Variants in PIK3C2G observed in about 807,000 individuals in gnomAD.
PIK3C2G encodes phosphatidylinositol-4-phosphate 3-kinase catalytic subunit type 2 gamma.
In PIK3C2G, 168 loss-of-function variants were observed where a neutral mutation model predicts 181.1. The observed-to-expected ratio is 0.93, with a 90% CI of 0.82 to 1.05. The LOEUF is 1.05. Ranked by LOEUF, PIK3C2G falls within the 50% of genes least tolerant of loss-of-function variation. The pLI, the probability that PIK3C2G is intolerant of heterozygous loss-of-function variation, is 0.00. For missense variants in PIK3C2G, 1,869 were observed against 1,732.8 expected, an observed-to-expected ratio of 1.08 and a Z score of -1.40; for synonymous variants, 573 against 592.2, an observed-to-expected ratio of 0.97 and a Z score of 0.47.
chr12:18,474,684 T>G (rs1313602144), intron 18 of PIK3C2G, among the ~76,000 whole-genome samples: 1 of 152,106 alleles, frequency 6.6e-6, no homozygotes, highest in East Asian at 1.9e-4. Context: ...AGTTAAGCAT[T>G]ATTGAGTTTG....
At chr12:18,479,754 G>A (rs7977452) in intron 18 of PIK3C2G, among the ~76,000 whole-genome samples, 11 of 152,216 alleles carry the variant, frequency 7.2e-5, no homozygotes, top group African/African-American at 2.4e-4. Context: ...ACGTTTCAGT[G>A]GATTTTAGAA....
chr12:18,265,735 TG>T (rs1948457040), intron 1 of PIK3C2G, among the ~76,000 whole-genome samples: 1 of 152,052 alleles, frequency 6.6e-6, no homozygotes, highest in Non-Finnish European at 1.5e-5. Flanking sequence ...TGCAATAGGC[TG>T]GGCGTGGTGG....
At chr12:18,639,396 T>C (rs896895161) in intron 31 of PIK3C2G, among the ~76,000 whole-genome samples, 2 of 152,294 alleles carry the variant, frequency 1.3e-5, no homozygotes, top group East Asian at 3.9e-4. Context: ...CATTAAAATA[T>C]ATTTCTTGAA....
chr12:18,278,464 A>G (rs1452914899), intron 1 of PIK3C2G, among the ~76,000 whole-genome samples: 2 of 152,158 alleles, frequency 1.3e-5, no homozygotes, highest in Admixed American at 6.5e-5. Context: ...AAGGTCAGCT[A>G]ATTAGGAAAC....
chr12:18,311,403 T>C (rs938018463), intron 5 of PIK3C2G, among the ~76,000 whole-genome samples: 2 of 152,072 alleles, frequency 1.3e-5, no homozygotes, highest in Non-Finnish European at 2.9e-5. Flanking sequence ...GGTGTATATA[T>C]ATACACACTC....
intron 31 of PIK3C2G, among the ~76,000 whole-genome samples, chr12:18,627,710 C>A (rs912889233): frequency 6.6e-6 from 1 of 152,160 alleles, no homozygotes; most frequent in African/African-American, 2.4e-5. Context: ...TAAACAGACC[C>A]TTTTCATGAT....
intron 30 of PIK3C2G, among the ~76,000 whole-genome samples, chr12:18,597,515 T>C (rs1236364892): frequency 1.3e-5 from 2 of 152,144 alleles, no homozygotes; most frequent in Non-Finnish European, 2.9e-5. Flanking sequence ...AACTCATCTA[T>C]TAAGGAAGTT....
At chr12:18,362,668 A>G (rs947223080) in intron 11 of PIK3C2G, 96 bp from the exon 12 acceptor site, 1 of 855,884 alleles carries the variant, frequency 1.2e-6, no homozygotes, top group East Asian at 2.9e-5. Context: ...TCATCACTTT[A>G]TCATTTGACT....
intron 22 of PIK3C2G, among the ~76,000 whole-genome samples, chr12:18,500,688 A>C (rs1057198724): frequency 1.3e-5 from 2 of 151,974 alleles, no homozygotes; most frequent in African/African-American, 4.8e-5. Flanking sequence ...AAAACAGACC[A>C]CTCGGCTCTA....
At chr12:18,443,238 G>C (rs11044119) in intron 18 of PIK3C2G, among the ~76,000 whole-genome samples, 20 of 152,174 alleles carry the variant, frequency 1.3e-4, no homozygotes, top group Admixed American at 8.5e-4. Flanking sequence ...TTAAGAAATA[G>C]AATTAGCATT....
chr12:18,705,015 T>A, the PIK3C2G span: 333 of 874,306 alleles, frequency 3.8e-4, no homozygotes, highest in African/African-American at 4.9e-3. Flanking sequence ...ATGAGAACAT[T>A]CCCTAGGCAA....
At chr12:18,368,019 A>C (rs1038636735) in intron 12 of PIK3C2G, among the ~76,000 whole-genome samples, 56 of 152,124 alleles carry the variant, frequency 3.7e-4, no homozygotes, top group African/African-American at 1.2e-3. Context: ...TGCCACTTAG[A>C]AAACCATCAG....
intron 31 of PIK3C2G, among the ~76,000 whole-genome samples, chr12:18,618,525 CAG>C (rs1406691519): frequency 1.3e-5 from 2 of 152,170 alleles, no homozygotes; most frequent in Non-Finnish European, 1.5e-5. Context: ...TTAAACAGCA[CAG>C]AGTTTCCACA....
chr12:18,581,072 A>G (rs1946475080), intron 29 of PIK3C2G, among the ~76,000 whole-genome samples: 1 of 152,226 alleles, frequency 6.6e-6, no homozygotes, highest in Non-Finnish European at 1.5e-5. Context: ...TGACATAGGA[A>G]AAGCACTTAG....
intron 29 of PIK3C2G, among the ~76,000 whole-genome samples, chr12:18,570,203 T>C (rs528880518): frequency 1.3e-5 from 2 of 151,394 alleles, no homozygotes; most frequent in South Asian, 4.2e-4. Flanking sequence ...TATCCATAAA[T>C]AAAATGCACA....
chr12:18,473,111 C>T (rs1229426594), intron 18 of PIK3C2G, among the ~76,000 whole-genome samples: 1 of 152,038 alleles, frequency 6.6e-6, no homozygotes, highest in East Asian at 1.9e-4. Context: ...TGCCTACTGC[C>T]CTCTCAGTAG....
chr12:18,496,272 T>C (rs1313723535), intron 21 of PIK3C2G, 118 bp downstream of exon 21: 1 of 670,626 alleles, frequency 1.5e-6, no homozygotes, highest in Admixed American at 3.2e-5. Flanking sequence ...GGTTTTTCAG[T>C]TATTTTAGAG....
At chr12:18,672,460 A>G in the PIK3C2G span, among the ~76,000 whole-genome samples, 2 of 151,996 alleles carry the variant, frequency 1.3e-5, no homozygotes, top group African/African-American at 2.4e-5. Flanking sequence ...AAATGACTTG[A>G]AAAAAAACTG....
chr12:18,712,899 G>C, the PIK3C2G span: 1 of 1,613,958 alleles, frequency 6.2e-7, no homozygotes, highest in Non-Finnish European at 8.5e-7. Context: ...GTTTGCTTGT[G>C]AGTGTGTAGC....
Sources: gnomAD v4.1 joint callset for allele counts (sites outside exome capture counted in the v4.1 genomes callset) on GRCh38, gnomAD v4.1.1 for gene constraint, MANE v1.5 for transcripts, NCBI Gene and HGNC (gene_info 2026-07-23, HGNC 2026-07-21) for gene names.